The following LEPR variants were observed in gnomAD, a reference collection of about 807,000 sequenced individuals.
LEPR encodes leptin receptor.
In LEPR, 56 loss-of-function variants were observed where a neutral mutation model predicts 114.7. The ratio of observed to expected loss-of-function variants is 0.49; its 90% CI spans 0.39 to 0.61. LEPR has a LOEUF of 0.61. Among genes scored for constraint, LEPR ranks in the 20% least tolerant of loss-of-function variants. LEPR has a pLI of 0.00. For missense variants in LEPR, 1,202 were observed against 1,352.9 expected, an observed-to-expected ratio of 0.89 and a Z score of 1.75; for synonymous variants, 443 against 461.4, an observed-to-expected ratio of 0.96 and a Z score of 0.51.
chr1:65,617,920 A>G, intron 15 of LEPR, 44 bp from the exon 16 acceptor site: 1 of 1,550,894 alleles, frequency 6.4e-7, no homozygotes, highest in Non-Finnish European at 8.7e-7. Context: ...GTAGATTTTT[A>G]TTAATTTTTA....
At position 65,486,996 on chromosome 1, in the gene LEPR, T is replaced by G. The variant is rs561952318; in HGVS notation, c.-21+61618T>G. Among the ~76,000 whole-genome samples the G allele has an allele frequency of 7.2e-5, 11 of 152,270 alleles. No individual in the cohort carries two copies. The South Asian group carries it at 2.3e-3, about 32-fold the overall frequency. The stretch of plus-strand genomic sequence containing the variant: ...AGGTTGCCTATGTTAGTTCTGTTCC[T>G]ACCACTCTATAAAACAGTTTATTCA... On this transcript the variant is annotated intron_variant, in intron 2 of 19. Transcript: ENST00000349533.
At chr1:65,433,227 C>T (rs1646512696) in intron 2 of LEPR, 2 of 985,250 alleles carry the variant, frequency 2.0e-6, no homozygotes, top group African/African-American at 3.5e-5. Flanking sequence ...GCTCTGGCTT[C>T]TTCCCGAAGA....
chr1:65,599,176 A>G (rs1475466526), intron 8 of LEPR, among the ~76,000 whole-genome samples: 1 of 152,198 alleles, frequency 6.6e-6, no homozygotes, highest in Non-Finnish European at 1.5e-5. Context: ...ATATTATATA[A>G]TAAATGAATT....
chr1:65,535,817 A>T lies in LEPR; in HGVS notation c.-20-29729A>T, dbSNP rs572484688. On this transcript the variant is annotated intron_variant, in intron 2 of 19. Transcript: ENST00000349533. Reference sequence around the variant, plus strand: ...GGCATTTACCGATGCTCTTTGGCTGATGTTTGTTTTTACTGACCAGAGGTT... The same window carrying T: ...GGCATTTACCGATGCTCTTTGGCTGTTGTTTGTTTTTACTGACCAGAGGTT... 2.6e-5 allele frequency among the ~76,000 whole-genome samples: 4 copies of T among 152,194 alleles called. No individual in the cohort carries two copies. The East Asian group carries it at 7.7e-4, about 29-fold the overall frequency.
chr1:65,622,875 C>T (rs1361176703), intron 18 of LEPR, 31 bp from the exon 19 acceptor site: 1 of 1,610,998 alleles, frequency 6.2e-7, no homozygotes, highest in Non-Finnish European at 8.5e-7. Flanking sequence ...ATGTTTTTCT[C>T]TAATTTTGAT....
chr1:65,445,704 AAC>A (rs1193688435), intron 2 of LEPR, among the ~76,000 whole-genome samples: 1 of 152,106 alleles, frequency 6.6e-6, no homozygotes, highest in African/African-American at 2.4e-5. Context: ...TCTAACTTGT[AAC>A]ACACACTGAA....
intron 2 of LEPR, among the ~76,000 whole-genome samples, chr1:65,532,652 T>G (rs1432450963): frequency 6.6e-6 from 1 of 151,990 alleles, no homozygotes; most frequent in African/African-American, 2.4e-5. Flanking sequence ...TATTAGGCAA[T>G]AAAAGGGAAT....
chr1:65,495,152 C>T (rs1047460428), intron 2 of LEPR, among the ~76,000 whole-genome samples: 1 of 152,044 alleles, frequency 6.6e-6, no homozygotes, highest in African/African-American at 2.4e-5. Context: ...AAAATGTTTG[C>T]AACCTATACA....
At chr1:65,432,149 T>C in intron 2 of LEPR, 2 of 1,196,854 alleles carry the variant, frequency 1.7e-6, no homozygotes, top group Non-Finnish European at 2.1e-6. Context: ...TGTTTGGCTG[T>C]TCATGTAGTC....
chr1:65,537,195 G>A (rs558242007), intron 2 of LEPR, among the ~76,000 whole-genome samples: 1 of 152,038 alleles, frequency 6.6e-6, no homozygotes, highest in Non-Finnish European at 1.5e-5. Flanking sequence ...CTCACCTTTC[G>A]TTGGCCCCTA....
intron 18 of LEPR, 94 bp from the exon 19 acceptor site, chr1:65,622,812 G>A: frequency 7.6e-7 from 1 of 1,322,196 alleles, no homozygotes; most frequent in Non-Finnish European, 1.1e-6. Flanking sequence ...AGTTGATCTG[G>A]TGGACTAATT....
chr1:65,590,304 G>A (rs1454831674), intron 5 of LEPR, among the ~76,000 whole-genome samples: 1 of 150,572 alleles, frequency 6.6e-6, no homozygotes, highest in Non-Finnish European at 1.5e-5. Flanking sequence ...GCAATATCGT[G>A]CTTTCAGTTT....
chr1:65,634,239 C>A (rs1022250185), intron 19 of LEPR: 3 of 955,874 alleles, frequency 3.1e-6, no homozygotes, highest in Non-Finnish European at 3.7e-6. Flanking sequence ...TATATGGATC[C>A]CTTATATTTA....
At chr1:65,462,324 G>A (rs183368463) in intron 2 of LEPR, among the ~76,000 whole-genome samples, 2 of 152,122 alleles carry the variant, frequency 1.3e-5, no homozygotes, top group African/African-American at 2.4e-5. Context: ...CAAACGACAC[G>A]AACTCATCCT....
At chr1:65,433,238 GAT>G in intron 2 of LEPR, 2 of 985,370 alleles carry the variant, frequency 2.0e-6, no homozygotes, top group Non-Finnish European at 2.4e-6. Flanking sequence ...TTCCCGAAGA[GAT>G]ATAGGAGCCA....
intron 2 of LEPR, among the ~76,000 whole-genome samples, chr1:65,449,114 G>A (rs1020593410): frequency 2.0e-5 from 3 of 152,148 alleles, no homozygotes; most frequent in African/African-American, 7.2e-5. Flanking sequence ...GGCTGGTCTC[G>A]AACTCCTAAC....
intron 2 of LEPR, among the ~76,000 whole-genome samples, chr1:65,538,067 T>G (rs1650899949): frequency 6.6e-6 from 1 of 152,184 alleles, no homozygotes; most frequent in South Asian, 2.1e-4. Context: ...TCAAATTACC[T>G]TTATTTTTTC....
At chr1:65,620,603 A>T (rs1216880974) in intron 17 of LEPR, among the ~76,000 whole-genome samples, 1 of 152,184 alleles carries the variant, frequency 6.6e-6, no homozygotes, top group Non-Finnish European at 1.5e-5. Flanking sequence ...ACTTTAGTTG[A>T]TAGCCAGAAA....
intron 15 of LEPR, 87 bp downstream of exon 15, chr1:65,616,311 A>G: frequency 2.9e-6 from 4 of 1,363,560 alleles, no homozygotes; most frequent in Non-Finnish European, 4.1e-6. Flanking sequence ...TCTTTCAAGC[A>G]GCCTGCAATT....
Sources: gnomAD v4.1 joint callset for allele counts (sites outside exome capture counted in the v4.1 genomes callset) on GRCh38, gnomAD v4.1.1 for gene constraint, MANE v1.5 for transcripts, NCBI Gene and HGNC (gene_info 2026-07-23, HGNC 2026-07-21) for gene names.